CACNA2D1: variants seen among roughly 807,000 people sequenced by gnomAD.
CACNA2D1 encodes voltage-dependent calcium channel subunit alpha-2/delta-1.
A neutral mutation model predicts 171.5 loss-of-function variants in CACNA2D1; 53 were observed. The ratio of observed to expected loss-of-function variants is 0.31; its 90% CI spans 0.25 to 0.39. The LOEUF is 0.39. Ranked by LOEUF, CACNA2D1 falls within the 10% of genes least tolerant of loss-of-function variation. The probability of loss-of-function intolerance (pLI) is 1.00; values close to 1 mark genes in which losing one functional copy is unlikely to be tolerated. For synonymous variants in CACNA2D1, 442 were observed against 443.1 expected, an observed-to-expected ratio of 1.00 and a Z score of 0.03; for missense variants, 903 against 1,299.8, an observed-to-expected ratio of 0.69 and a Z score of 4.69.
chr7:81,985,274 T>G (rs1796850378), intron 21 of CACNA2D1, among the ~76,000 whole-genome samples: 1 of 143,938 alleles, frequency 6.9e-6, no homozygotes, highest in Non-Finnish European at 1.5e-5. Context: ...CGATCATGGC[T>G]CATCACAGCC....
intron 12 of CACNA2D1, among the ~76,000 whole-genome samples, chr7:82,024,652 T>C (rs1801656339): frequency 6.6e-6 from 1 of 151,764 alleles, no homozygotes. Context: ...TAGCTTGATG[T>C]AGTCTCACTT....
chr7:82,214,763 A>G (rs1800932313), intron 3 of CACNA2D1, among the ~76,000 whole-genome samples: 1 of 152,236 alleles, frequency 6.6e-6, no homozygotes, highest in Admixed American at 6.5e-5. Flanking sequence ...TTAAATATCA[A>G]GAAAATCAAT....
At position 82,443,545 on chromosome 7, in the gene CACNA2D1, CACG is replaced by C. The variant is rs1245707082; in HGVS notation, c.-89_-87del. On this transcript the variant is annotated 5_prime_UTR_variant, in exon 1 of 39. Coordinates refer to ENST00000356860, the MANE Select transcript of CACNA2D1 (RefSeq NM_000722.4). ...AACCGCGGGCGGAGGAAGAGCAGCA[CACG>C]CCGCCGGGACCGCGGGCGTCTGGAG... 42 of 1,540,472 alleles carry C rather than the reference CACG, an allele frequency of 2.7e-5. No homozygotes were observed. The South Asian group carries it at 4.2e-4, about 15-fold the overall frequency.
intron 5 of CACNA2D1, among the ~76,000 whole-genome samples, chr7:82,132,590 G>C (rs1015365455): frequency 1.3e-5 from 2 of 152,104 alleles, no homozygotes; most frequent in Non-Finnish European, 2.9e-5. Flanking sequence ...AAAGAATCAT[G>C]GATATTGGAA....
At chr7:82,136,586 A>T in intron 5 of CACNA2D1, 49 bp downstream of exon 5, 1 of 1,420,912 alleles carries the variant, frequency 7.0e-7, no homozygotes, top group Non-Finnish European at 9.8e-7. Context: ...AAGGCCAATC[A>T]TTTTACTATA....
At chr7:81,959,221 C>A in intron 38 of CACNA2D1, 54 bp downstream of exon 38, 3 of 1,237,792 alleles carry the variant, frequency 2.4e-6, no homozygotes, top group Non-Finnish European at 2.4e-6. Flanking sequence ...TGAATTCTTG[C>A]GGACAGTGAC....
chr7:81,957,350 T>C (rs1370305862), intron 38 of CACNA2D1, among the ~76,000 whole-genome samples: 1 of 152,172 alleles, frequency 6.6e-6, no homozygotes. Context: ...CCTGAGATTT[T>C]AATAACCTGG....
At chr7:82,334,298 C>A (rs1817727496) in intron 3 of CACNA2D1, among the ~76,000 whole-genome samples, 2 of 152,118 alleles carry the variant, frequency 1.3e-5, no homozygotes, top group Admixed American at 1.3e-4. Flanking sequence ...ACTGCGAATA[C>A]CCTACAATCT....
chr7:82,386,601 C>T (rs1049876450), intron 1 of CACNA2D1, among the ~76,000 whole-genome samples: 2 of 151,876 alleles, frequency 1.3e-5, no homozygotes, highest in East Asian at 1.9e-4. Context: ...GGCGTGATGG[C>T]GCATGCCTGC....
chr7:82,430,756 G>A (rs1361554477), intron 1 of CACNA2D1, among the ~76,000 whole-genome samples: 1 of 152,078 alleles, frequency 6.6e-6, no homozygotes, highest in Non-Finnish European at 1.5e-5. Flanking sequence ...CTTCTGTATT[G>A]GTTGCGAAAA....
chr7:82,114,107 A>G (rs906415346), intron 6 of CACNA2D1, among the ~76,000 whole-genome samples: 3 of 152,064 alleles, frequency 2.0e-5, no homozygotes, highest in African/African-American at 7.3e-5. Context: ...TTTAAATTGG[A>G]AAGAAAAACA....
At chr7:82,044,506 A>AT (rs1414109602) in intron 10 of CACNA2D1, among the ~76,000 whole-genome samples, 11 of 152,194 alleles carry the variant, frequency 7.2e-5, no homozygotes, top group Non-Finnish European at 1.3e-4. Flanking sequence ...TTGGAAAAGG[A>AT]TTTTTTAAAT....
chr7:82,259,894 G>T lies in CACNA2D1; in HGVS notation c.294+75241C>A, dbSNP rs756509448. Among the ~76,000 whole-genome samples, 63 of 152,124 alleles carry T rather than the reference G, an allele frequency of 4.1e-4. 1 individual carries two copies. Among genetic ancestry groups the T allele is most frequent in the Non-Finnish European group, 5.0e-4 (34 of 68,016 alleles). ...TCTAAAATTGATATAATTATAGTAG[G>T]TATGTTGTAGGGTTGATATAAGAAT... On this transcript the variant is annotated intron_variant, in intron 3 of 38. Transcript: ENST00000356860.
chr7:82,202,611 A>T (rs1799568590), intron 3 of CACNA2D1, among the ~76,000 whole-genome samples: 1 of 152,130 alleles, frequency 6.6e-6, no homozygotes, highest in African/African-American at 2.4e-5. Context: ...ACCGCGGTAC[A>T]AGAAGTACAC....
At chr7:82,346,533 C>A (rs1819276454) in intron 2 of CACNA2D1, among the ~76,000 whole-genome samples, 1 of 147,228 alleles carries the variant, frequency 6.8e-6, no homozygotes, top group South Asian at 2.2e-4. Flanking sequence ...AGTTAGAAGA[C>A]CATGAAGAAA....
intron 1 of CACNA2D1, among the ~76,000 whole-genome samples, chr7:82,387,242 G>A (rs1824513469): frequency 6.6e-6 from 1 of 151,998 alleles, no homozygotes; most frequent in African/African-American, 2.4e-5. Context: ...ACTAACAAAG[G>A]CAGAAATATG....
intron 3 of CACNA2D1, among the ~76,000 whole-genome samples, chr7:82,288,816 A>T (rs1811174593): frequency 6.6e-6 from 1 of 152,206 alleles, no homozygotes; most frequent in Non-Finnish European, 1.5e-5. Context: ...TGAGGTTGTG[A>T]AAATCAAGCC....
intron 3 of CACNA2D1, among the ~76,000 whole-genome samples, chr7:82,209,373 T>A (rs1293274391): frequency 6.6e-6 from 1 of 152,170 alleles, no homozygotes; most frequent in Non-Finnish European, 1.5e-5. Context: ...GGGATTAAGA[T>A]GTCCTAAGAA....
At chr7:82,344,855 T>C (rs1256579903) in intron 2 of CACNA2D1, among the ~76,000 whole-genome samples, 1 of 152,198 alleles carries the variant, frequency 6.6e-6, no homozygotes, top group East Asian at 1.9e-4. Flanking sequence ...GAATTAATAA[T>C]AAATAGCTGT....
Sources: gnomAD v4.1 joint callset for allele counts (sites outside exome capture counted in the v4.1 genomes callset) on GRCh38, gnomAD v4.1.1 for gene constraint, MANE v1.5 for transcripts, NCBI Gene and HGNC (gene_info 2026-07-23, HGNC 2026-07-21) for gene names.